The following COMT variants were observed in gnomAD, a reference collection of about 807,000 sequenced individuals.
COMT encodes catechol O-methyltransferase.
In COMT, 13 loss-of-function variants were observed where a neutral mutation model predicts 18.9. The ratio of observed to expected loss-of-function variants is 0.69; its 90% CI spans 0.45 to 1.09. The LOEUF is 1.09. COMT is among the 50% of genes least tolerant of loss of function. The pLI is 0.00. For missense variants in COMT, 329 were observed against 361.8 expected (o/e 0.91, Z 0.73); for synonymous variants, 150 against 160.9 (o/e 0.93, Z 0.51).
chr22:19,946,284 C>T (rs1026908994), intron 1 of COMT, among the ~76,000 whole-genome samples: 2 of 152,004 alleles, frequency 1.3e-5, no homozygotes, highest in African/African-American at 4.8e-5. Context: ...GTCAGGAGTT[C>T]GAGACCAGCT....
intron 1 of COMT, among the ~76,000 whole-genome samples, chr22:19,958,711 T>C (rs1601522125): frequency 7.5e-5 from 7 of 92,754 alleles, no homozygotes; most frequent in Admixed American, 1.4e-4. Flanking sequence ...CCACCTCCAC[T>C]CCATCTCTAC....
intron 1 of COMT, among the ~76,000 whole-genome samples, chr22:19,947,039 C>G (rs1053574583): frequency 5.9e-5 from 9 of 151,578 alleles, no homozygotes; most frequent in African/African-American, 2.2e-4. Context: ...CCTCAGCCCC[C>G]CAAGTAGCTG....
chr22:19,963,213 C>T, intron 3 of COMT: 1 of 491,784 alleles, frequency 2.0e-6, no homozygotes, highest in Non-Finnish European at 3.7e-6. Flanking sequence ...CTAGTGCCGC[C>T]CCAGGGCCCC....
intron 5 of COMT, among the ~76,000 whole-genome samples, chr22:19,967,919 G>A (rs1332619835): frequency 2.0e-5 from 3 of 152,246 alleles, no homozygotes; most frequent in African/African-American, 7.2e-5. Flanking sequence ...CTATGGCTGC[G>A]TGTCCAGTAA....
chr22:19,943,236 C>T (rs1941774536), intron 1 of COMT, among the ~76,000 whole-genome samples: 1 of 152,210 alleles, frequency 6.6e-6, no homozygotes, highest in Admixed American at 6.5e-5. Flanking sequence ...TCTCAACAGT[C>T]CCCGTCCATT....
At chr22:19,950,241 CTTTTTTTTTT>C (rs55653258) in intron 1 of COMT, among the ~76,000 whole-genome samples, 4 of 87,850 alleles carry the variant, frequency 4.6e-5, no homozygotes, top group Non-Finnish European at 8.8e-5. Context: ...CTTTTCTTTT[CTTTTTTTTTT>C]TTTTTTTTTT....
intron 1 of COMT, among the ~76,000 whole-genome samples, chr22:19,947,892 G>A (rs948307436): frequency 2.6e-5 from 4 of 151,526 alleles, no homozygotes; most frequent in East Asian, 3.9e-4. Context: ...AGTAACAGGC[G>A]TCTTCCCAGG....
chr22:19,946,693 C>A (rs1462039553), intron 1 of COMT, among the ~76,000 whole-genome samples: 1 of 152,068 alleles, frequency 6.6e-6, no homozygotes, highest in African/African-American at 2.4e-5. Flanking sequence ...ATTACAAAAT[C>A]AAACGATTTA....
At chr22:19,944,072 C>T (rs1346064083) in intron 1 of COMT, among the ~76,000 whole-genome samples, 1 of 152,110 alleles carries the variant, frequency 6.6e-6, no homozygotes, top group Non-Finnish European at 1.5e-5. Flanking sequence ...ACAAGACCAC[C>T]TGAGTCCCAA....
intron 4 of COMT, 153 bp downstream of exon 4, chr22:19,963,912 G>A: frequency 8.3e-7 from 1 of 1,206,672 alleles, no homozygotes; most frequent in Non-Finnish European, 1.2e-6. Context: ...GCCTGGGGCT[G>A]AGGAAAGACC....
At chr22:19,951,385 A>T (rs1341835989) in intron 1 of COMT, 1 of 136,212 alleles carries the variant, frequency 7.3e-6, no homozygotes, top group African/African-American at 2.7e-5. Context: ...AAAGCCTGGG[A>T]CTCTTAGCGC....
At position 19,968,807 on chromosome 22, in the gene COMT, T is replaced by C. The variant is rs1942582972; in HGVS notation, c.*71T>C. 1 of 1,466,802 alleles carries C rather than the reference T, an allele frequency of 6.8e-7. No homozygotes were observed. Among genetic ancestry groups the C allele is most frequent in the Admixed American group, 1.8e-5 (1 of 55,124 alleles). The allele number at this position is 1,466,802 out of a possible 1,614,324, so 90.9% of individuals were successfully genotyped here. ...CTGAAGGTGCCAGACGTGCTCCTGC[T>C]GACCTTCTGCGGCTCCGGGCTGTGT... is the stretch of plus-strand genomic sequence containing the variant. On this transcript the variant is annotated 3_prime_UTR_variant, in exon 6 of 6. Transcript: ENST00000361682.
At chr22:19,966,413 A>G (rs1942393828) in intron 5 of COMT, among the ~76,000 whole-genome samples, 1 of 150,360 alleles carries the variant, frequency 6.7e-6, no homozygotes, top group South Asian at 2.1e-4. Context: ...CCATGCCCAA[A>G]GGAAGAGGAA....
intron 1 of COMT, among the ~76,000 whole-genome samples, chr22:19,944,064 A>C (rs1941795840): frequency 6.6e-6 from 1 of 152,160 alleles, no homozygotes. Context: ...GGGCAGCTAC[A>C]AGACCACCTG....
chr22:19,952,219 A>G (rs548596792), intron 1 of COMT, among the ~76,000 whole-genome samples: 2 of 152,346 alleles, frequency 1.3e-5, no homozygotes, highest in African/African-American at 2.4e-5. Flanking sequence ...AAGCAGGAGG[A>G]CTGCTGGAGC....
intron 1 of COMT, among the ~76,000 whole-genome samples, chr22:19,958,358 T>C (rs1942111734): frequency 6.6e-6 from 1 of 150,970 alleles, no homozygotes; most frequent in Admixed American, 6.6e-5. Context: ...AGAGATGGGG[T>C]CTTGCCATGT....
chr22:19,941,976 G>A (rs1224246805), intron 1 of COMT, 79 bp downstream of exon 1: 1 of 553,264 alleles, frequency 1.8e-6, no homozygotes, highest in Non-Finnish European at 2.9e-6. Context: ...GGAACACTGG[G>A]ATAGGGTGTG....
chr22:19,947,619 A>C (rs1431201426), intron 1 of COMT, among the ~76,000 whole-genome samples: 3 of 152,128 alleles, frequency 2.0e-5, no homozygotes, highest in Non-Finnish European at 2.9e-5. Context: ...ACTTTCACTA[A>C]TTTTGTTACT....
At chr22:19,944,461 G>A (rs573201671) in intron 1 of COMT, among the ~76,000 whole-genome samples, 1 of 151,898 alleles carries the variant, frequency 6.6e-6, no homozygotes, top group Non-Finnish European at 1.5e-5. Flanking sequence ...ACTGGGAGGT[G>A]GGGGGCTGCA....
Sources: gnomAD v4.1 joint callset for allele counts (sites outside exome capture counted in the v4.1 genomes callset) on GRCh38, gnomAD v4.1.1 for gene constraint, MANE v1.5 for transcripts, NCBI Gene and HGNC (gene_info 2026-07-23, HGNC 2026-07-21) for gene names.